ETV6: variants seen among roughly 807,000 people sequenced by gnomAD.
The protein encoded by ETV6 is ETS variant transcription factor 6.
ETV6 carries 16 observed loss-of-function variants against 51.1 expected under a neutral mutation model. The observed-to-expected ratio is 0.31, with a 90% CI of 0.21 to 0.48. ETV6 has a LOEUF of 0.48. Among genes scored for constraint, ETV6 ranks in the 20% least tolerant of loss-of-function variants. The pLI, the probability that ETV6 is intolerant of heterozygous loss-of-function variation, is 0.99. For synonymous variants in ETV6, 240 were observed against 224.1 expected (o/e 1.07, Z -0.64); for missense variants, 458 against 594.8 (o/e 0.77, Z 2.39).
rs74799233 is a variant in ETV6, at chr12:11,862,630, C to T, written c.464-6794C>T. Among the ~76,000 whole-genome samples, 601 of 152,248 alleles carry T rather than the reference C, an allele frequency of 3.9e-3. 2 individuals are homozygous for T. The highest frequency in any genetic ancestry group is 6.6e-3 in the Non-Finnish European group (449 of 68,026). ...TGCCTTCATCTTCACCTGCATTCTT[C>T]CCCTGTGTATGTCTGGAAGTCCAGA... is the stretch of plus-strand genomic sequence containing the variant. On this transcript the variant is annotated intron_variant, in intron 4 of 7. Coordinates refer to ENST00000396373, the MANE Select transcript of ETV6 (RefSeq NM_001987.5).
At chr12:11,762,795 G>A (rs1294631465) in intron 2 of ETV6, among the ~76,000 whole-genome samples, 1 of 152,202 alleles carries the variant, frequency 6.6e-6, no homozygotes, top group Non-Finnish European at 1.5e-5. Flanking sequence ...AAAAGGGGGT[G>A]TAAGATTAGG....
intron 2 of ETV6, among the ~76,000 whole-genome samples, chr12:11,835,333 G>A (rs1946301736): frequency 6.6e-6 from 1 of 152,220 alleles, no homozygotes; most frequent in Non-Finnish European, 1.5e-5. Flanking sequence ...TAATATAGGT[G>A]CAGAGTAATG....
At position 11,892,503 on chromosome 12, in the gene ETV6, ATTT is replaced by A. The variant is rs371083937; in HGVS notation, c.*1469_*1471del. On this transcript the variant is annotated 3_prime_UTR_variant, in exon 8 of 8. Transcript: ENST00000396373. ...TTAGTATTTTTGAAAGCTGTTTTAG[ATTT>A]TTTTTTTTTTTCCTTTTCTAGCCAT... is the stretch of plus-strand genomic sequence containing the variant. The A allele has an allele frequency of 1.9e-5, 4 of 213,664 alleles. No individual in the cohort carries two copies. Among genetic ancestry groups the A allele is most frequent in the Admixed American group, 1.2e-4 (2 of 16,348 alleles). The allele number at this position is 213,664 out of a possible 1,614,324, so 13.2% of individuals were successfully genotyped here. A position where few individuals can be genotyped will look rare whatever the true frequency, so the allele number is the denominator to read the frequency against.
intron 3 of ETV6, among the ~76,000 whole-genome samples, chr12:11,850,512 T>G (rs1236989853): frequency 6.6e-6 from 1 of 152,208 alleles, no homozygotes; most frequent in Non-Finnish European, 1.5e-5. Context: ...CAAGCCACTA[T>G]AATAATATCA....
Position 11,650,114 on chromosome 12 carries a change from T to G in ETV6, c.-14T>G, listed in dbSNP as rs754605365. The G allele has an allele frequency of 6.2e-7, 1 of 1,613,386 alleles. No homozygotes were observed. Among genetic ancestry groups the G allele is most frequent in the South Asian group, 1.1e-5 (1 of 91,074 alleles). ...AAAAACCTGAGAACTTCCTGATCTCTCTCGCTGTGAGACATGTCTGAGACT... is the reference window on the plus strand; with the variant it reads ...AAAAACCTGAGAACTTCCTGATCTCGCTCGCTGTGAGACATGTCTGAGACT... On this transcript the variant is annotated 5_prime_UTR_variant, in exon 1 of 8. Coordinates refer to ENST00000396373, the MANE Select transcript of ETV6 (RefSeq NM_001987.5).
chr12:11,889,692 T>C lies in ETV6; in HGVS notation c.1254-1249T>C, dbSNP rs78504920. 1.7e-4 allele frequency among the ~76,000 whole-genome samples: 26 copies of C among 152,290 alleles called. No individual in the cohort carries two copies. In the East Asian group the frequency reaches 4.2e-3, roughly 25 times the overall value. ...CAAGAGCCAAGACCGCTAGACTGCATTGGGTTCATACTGATGAACAGTGGA... is the reference window on the plus strand; with the variant it reads ...CAAGAGCCAAGACCGCTAGACTGCACTGGGTTCATACTGATGAACAGTGGA... On this transcript the variant is annotated intron_variant, in intron 7 of 7. Coordinates refer to ENST00000396373, the MANE Select transcript of ETV6 (RefSeq NM_001987.5).
At chr12:11,712,779 C>T (rs991444415) in intron 1 of ETV6, among the ~76,000 whole-genome samples, 7 of 152,164 alleles carry the variant, frequency 4.6e-5, no homozygotes, top group Non-Finnish European at 8.8e-5. Flanking sequence ...GGTATCTTCA[C>T]GGTGTTCAGG....
At chr12:11,828,904 T>G (rs1483386524) in intron 2 of ETV6, among the ~76,000 whole-genome samples, 1 of 152,212 alleles carries the variant, frequency 6.6e-6, no homozygotes, top group Non-Finnish European at 1.5e-5. Flanking sequence ...TTAATCTTGA[T>G]TACTGAAACT....
At chr12:11,708,257 G>GA (rs59648448) in intron 1 of ETV6, among the ~76,000 whole-genome samples, 399 of 113,182 alleles carry the variant, frequency 3.5e-3, no homozygotes, top group Middle Eastern at 0.013. Flanking sequence ...GAGTCTCAGT[G>GA]AAAAAAAAAA....
chr12:11,893,839 T>C lies in ETV6; in HGVS notation c.*2793T>C, dbSNP rs59711518. On this transcript the variant is annotated 3_prime_UTR_variant, in exon 8 of 8. Coordinates refer to ENST00000396373, the MANE Select transcript of ETV6 (RefSeq NM_001987.5). ...ATATATATATATATATATATATATA[T>C]ATACACACACACACACATACACAAA... is the stretch of plus-strand genomic sequence containing the variant. 591 of 51,302 alleles carry C rather than the reference T, an allele frequency of 0.012. 27 individuals carry two copies. The highest frequency in any genetic ancestry group is 0.031 in the East Asian group (72 of 2,322). 3.2% of individuals were successfully genotyped at this position (51,302 alleles called of 1,614,324 possible). A position where few individuals can be genotyped will look rare whatever the true frequency, so the allele number is the denominator to read the frequency against.
At chr12:11,880,877 T>C (rs1371568849) in intron 5 of ETV6, among the ~76,000 whole-genome samples, 2 of 152,168 alleles carry the variant, frequency 1.3e-5, no homozygotes, top group African/African-American at 4.8e-5. Flanking sequence ...TGTAAACCTA[T>C]AGGGAGACAT....
At chr12:11,663,196 A>G (rs1864131377) in intron 1 of ETV6, among the ~76,000 whole-genome samples, 2 of 152,332 alleles carry the variant, frequency 1.3e-5, no homozygotes, top group Middle Eastern at 3.4e-3. Context: ...GCATATTCCA[A>G]CACCTAGAAA....
At chr12:11,660,828 A>T (rs145794054) in intron 1 of ETV6, among the ~76,000 whole-genome samples, 325 of 152,204 alleles carry the variant, frequency 2.1e-3, no homozygotes, top group African/African-American at 7.5e-3. Context: ...TGGTTTTGCT[A>T]ATTATTTTCA....
At chr12:11,883,268 G>GTCGTCT (rs1555147198) in intron 5 of ETV6, among the ~76,000 whole-genome samples, 2 of 51,370 alleles carry the variant, frequency 3.9e-5, no homozygotes, top group Admixed American at 2.4e-4. Context: ...TGTACATCAT[G>GTCGTCT]TCTTCTTCTT....
intron 5 of ETV6, among the ~76,000 whole-genome samples, chr12:11,876,005 G>A (rs933787048): frequency 1.3e-5 from 2 of 152,316 alleles, no homozygotes; most frequent in East Asian, 1.9e-4. Context: ...GTGGTGGTCA[G>A]TGTGCTTGGA....
At position 11,892,088 on chromosome 12, in the gene ETV6, A is replaced by G. The variant is rs1461813781; in HGVS notation, c.*1042A>G. 4.3e-6 allele frequency: 1 copy of G among 233,380 alleles called. No homozygotes were observed. Among genetic ancestry groups the G allele is most frequent in the Non-Finnish European group, 8.5e-6 (1 of 118,232 alleles). The allele number at this position is 233,380 out of a possible 1,614,324, so 14.5% of individuals were successfully genotyped here. On this transcript the variant is annotated 3_prime_UTR_variant, in exon 8 of 8. Coordinates refer to ENST00000396373, the MANE Select transcript of ETV6 (RefSeq NM_001987.5). ...AGGCCCAGCAGTCCAGAAACTGGGC[A>G]AAAATATTCTGCAGTGGGGATTTAT...
chr12:11,890,408 A>G (rs1335980194), intron 7 of ETV6, among the ~76,000 whole-genome samples: 1 of 151,036 alleles, frequency 6.6e-6, no homozygotes, highest in African/African-American at 2.4e-5. Flanking sequence ...GGTGCTCACT[A>G]CGTCACAGAC....
chr12:11,687,255 G>A (rs205529), intron 1 of ETV6, among the ~76,000 whole-genome samples: 1 of 140,540 alleles, frequency 7.1e-6, no homozygotes. Context: ...CCGGCTCCCC[G>A]CTCCCCACGC....
intron 2 of ETV6, among the ~76,000 whole-genome samples, chr12:11,782,337 ATG>A (rs1301618548): frequency 6.6e-6 from 1 of 152,110 alleles, no homozygotes; most frequent in Non-Finnish European, 1.5e-5. Flanking sequence ...TTGTTAATCA[ATG>A]TATCTACTCT....
Sources: gnomAD v4.1 joint callset for allele counts (sites outside exome capture counted in the v4.1 genomes callset) on GRCh38, gnomAD v4.1.1 for gene constraint, MANE v1.5 for transcripts, NCBI Gene and HGNC (gene_info 2026-07-23, HGNC 2026-07-21) for gene names.